FAM13C: variants seen among roughly 807,000 people sequenced by gnomAD.
FAM13C encodes protein FAM13C.
A neutral mutation model predicts 73.2 loss-of-function variants in FAM13C; 37 were observed. The observed-to-expected ratio is 0.51, with a 90% confidence interval of 0.39 to 0.67. The LOEUF is 0.67. Ranked by LOEUF, FAM13C falls within the 30% of genes least tolerant of loss-of-function variation. FAM13C has a pLI of 0.00. For synonymous variants in FAM13C, 246 were observed against 260.9 expected (o/e 0.94, Z 0.55); for missense variants, 589 against 715.6 (o/e 0.82, Z 2.02).
chr10:59,322,623 C>T (rs1850471064), intron 4 of FAM13C, among the ~76,000 whole-genome samples: 1 of 152,230 alleles, frequency 6.6e-6, no homozygotes, highest in South Asian at 2.1e-4. Flanking sequence ...TCTACCCCTA[C>T]AGGACCACCA....
At chr10:59,248,016 A>G (rs1840890840) in intron 13 of FAM13C, among the ~76,000 whole-genome samples, 1 of 152,122 alleles carries the variant, frequency 6.6e-6, no homozygotes, top group South Asian at 2.1e-4. Context: ...GAAAAGATCT[A>G]AGGAGAAGCA....
chr10:59,252,756 G>A (rs753363161), intron 12 of FAM13C, 43 bp downstream of exon 12: 2 of 1,588,864 alleles, frequency 1.3e-6, no homozygotes, highest in Non-Finnish European at 1.7e-6. Context: ...TATCAGACCA[G>A]AAGGAGTTAA....
chr10:59,332,967 T>A (rs1018740307), intron 3 of FAM13C, among the ~76,000 whole-genome samples: 1 of 150,876 alleles, frequency 6.6e-6, no homozygotes, highest in Non-Finnish European at 1.5e-5. Flanking sequence ...CTGGGGAGTA[T>A]TTTGTTATTG....
chr10:59,337,730 A>G (rs772149613), intron 3 of FAM13C, among the ~76,000 whole-genome samples: 3 of 120,058 alleles, frequency 2.5e-5, no homozygotes, highest in Non-Finnish European at 4.8e-5. Context: ...CCCAGGCTAG[A>G]GTGCAATGGT....
chr10:59,348,510 T>C (rs925856092), intron 3 of FAM13C, among the ~76,000 whole-genome samples: 5 of 152,270 alleles, frequency 3.3e-5, no homozygotes, highest in Non-Finnish European at 7.3e-5. Context: ...GTAGTTATTA[T>C]TTAGAATGTT....
chr10:59,362,357 G>C, intron 1 of FAM13C, 42 bp downstream of exon 1: 1 of 1,606,798 alleles, frequency 6.2e-7, no homozygotes, highest in Admixed American at 1.7e-5. Flanking sequence ...TGCTTCCAGA[G>C]AAAGGCATGC....
intron 6 of FAM13C, among the ~76,000 whole-genome samples, chr10:59,274,702 T>G (rs1548085): frequency 0.23 from 35,175 of 152,110 alleles, 5,525 homozygotes; most frequent in African/African-American, 0.44. Context: ...TGGGATGCAT[T>G]ATTTAATGTC....
chr10:59,342,905 C>T (rs1853694185), intron 3 of FAM13C, among the ~76,000 whole-genome samples: 1 of 152,164 alleles, frequency 6.6e-6, no homozygotes, highest in Non-Finnish European at 1.5e-5. Context: ...TAAAGAACAC[C>T]CTGCTCTTGG....
chr10:59,338,213 A>G (rs1189437847), intron 3 of FAM13C, among the ~76,000 whole-genome samples: 1 of 152,128 alleles, frequency 6.6e-6, no homozygotes, highest in African/African-American at 2.4e-5. Flanking sequence ...AGGAATGAAA[A>G]AAATGACAAC....
intron 5 of FAM13C, chr10:59,297,387 G>C (rs1311349121): frequency 6.6e-6 from 1 of 152,096 alleles, no homozygotes; most frequent in Non-Finnish European, 1.5e-5. Flanking sequence ...TTAGAAATGG[G>C]GAAGCAAGGT....
Position 59,247,609 on chromosome 10 carries a change from G to C in FAM13C, c.*5C>G, listed in dbSNP as rs1840827666. ...GGTGAAAGTGATCATAACATTTCCT[G>C]AACCTCAAATAGTTTTGGCCACATC... On this transcript the variant is annotated 3_prime_UTR_variant, in exon 14 of 14. Coordinates refer to ENST00000618804, the MANE Select transcript of FAM13C (RefSeq NM_198215.4). 6.2e-7 allele frequency: 1 copy of C among 1,612,970 alleles called. No homozygotes were observed. The highest frequency in any genetic ancestry group is 8.5e-7 in the Non-Finnish European group (1 of 1,179,524).
At chr10:59,287,075 G>A (rs1442811414) in intron 5 of FAM13C, among the ~76,000 whole-genome samples, 6 of 138,546 alleles carry the variant, frequency 4.3e-5, no homozygotes, top group Non-Finnish European at 7.7e-5. Flanking sequence ...GGTGGCTCAC[G>A]CCTGTAATCC....
chr10:59,293,997 C>T (rs1846599015), intron 5 of FAM13C, among the ~76,000 whole-genome samples: 1 of 152,178 alleles, frequency 6.6e-6, no homozygotes, highest in African/African-American at 2.4e-5. Context: ...TGAAAGCTGT[C>T]AACTTTGTAT....
At chr10:59,294,414 A>G (rs1846654031) in intron 5 of FAM13C, among the ~76,000 whole-genome samples, 1 of 152,208 alleles carries the variant, frequency 6.6e-6, no homozygotes, top group Non-Finnish European at 1.5e-5. Flanking sequence ...AGGTGGGTCA[A>G]CTAGGCAAGT....
intron 6 of FAM13C, among the ~76,000 whole-genome samples, chr10:59,277,053 G>A (rs1255628490): frequency 6.6e-6 from 1 of 152,176 alleles, no homozygotes; most frequent in African/African-American, 2.4e-5. Context: ...AGAGTGAAAT[G>A]CTAAGCAACC....
chr10:59,290,583 T>C (rs1437558325), intron 5 of FAM13C, among the ~76,000 whole-genome samples: 1 of 152,204 alleles, frequency 6.6e-6, no homozygotes, highest in Admixed American at 6.5e-5. Context: ...CAGCTCTAGT[T>C]GTTTCTCGGC....
chr10:59,251,476 T>A, intron 13 of FAM13C, 99 bp downstream of exon 13: 1 of 981,690 alleles, frequency 1.0e-6, no homozygotes, highest in Non-Finnish European at 1.6e-6. Context: ...TTATATACAT[T>A]TTGTAAAAAG....
In FAM13C at chr10:59,311,857, G is replaced by A. The variant is rs993284151; in HGVS notation, c.444-8993C>T. On this transcript the variant is annotated intron_variant, in intron 4 of 13. Coordinates refer to ENST00000618804, the MANE Select transcript of FAM13C (RefSeq NM_198215.4). ...GTTGCTCAGAGTGGCAACCTACCAA[G>A]TAACACACCTGTTGTGGGCTCTTCC... Among the ~76,000 whole-genome samples the A allele has an allele frequency of 9.2e-5, 14 of 152,252 alleles. No homozygotes were observed. The East Asian group carries it at 2.7e-3, about 29-fold the overall frequency.
chr10:59,325,507 T>C (rs1453410518), intron 3 of FAM13C, among the ~76,000 whole-genome samples: 1 of 152,216 alleles, frequency 6.6e-6, no homozygotes, highest in Non-Finnish European at 1.5e-5. Context: ...TAGTATGCAC[T>C]AGTCCCCTAG....
Sources: allele counts gnomAD v4.1 joint callset (sites outside exome capture counted in the v4.1 genomes callset), GRCh38; gene constraint gnomAD v4.1.1; transcripts MANE v1.5; gene names NCBI Gene and HGNC (gene_info 2026-07-23, HGNC 2026-07-21).